Variants in MPP7 observed in about 807,000 individuals in gnomAD.
MPP7 encodes MAGUK p55 subfamily member 7.
In MPP7, 60 loss-of-function variants were observed where a neutral mutation model predicts 76.5. That is an observed-to-expected ratio of 0.78 (90% CI 0.64 to 0.97). The LOEUF (loss-of-function observed/expected upper bound fraction) is 0.97, where lower values mean the gene tolerates loss of function less well. MPP7 is among the 50% of genes least tolerant of loss of function. The pLI is 0.00. For missense variants in MPP7, 641 were observed against 694.0 expected (o/e 0.92, Z 0.86); for synonymous variants, 237 against 244.5 (o/e 0.97, Z 0.29).
intron 2 of MPP7, among the ~76,000 whole-genome samples, chr10:28,206,517 G>A (rs1270747209): frequency 6.6e-6 from 1 of 151,978 alleles, no homozygotes; most frequent in African/African-American, 2.4e-5. Context: ...TTGCAGTTTA[G>A]TTAGGAACAC....
intron 11 of MPP7, among the ~76,000 whole-genome samples, chr10:28,091,568 G>A (rs943590153): frequency 6.6e-6 from 1 of 152,088 alleles, no homozygotes; most frequent in African/African-American, 2.4e-5. Context: ...GATTACAGGC[G>A]TGAGCCACCA....
intron 12 of MPP7, among the ~76,000 whole-genome samples, chr10:28,079,341 A>G (rs943041216): frequency 2.0e-5 from 3 of 152,030 alleles, no homozygotes; most frequent in Non-Finnish European, 4.4e-5. Flanking sequence ...TGATACAGAC[A>G]TATACCACAA....
chr10:28,199,294 T>C (rs1196866844), intron 3 of MPP7, among the ~76,000 whole-genome samples: 2 of 152,172 alleles, frequency 1.3e-5, no homozygotes, highest in Non-Finnish European at 2.9e-5. Context: ...AATATGAGAC[T>C]TCTCAGGCAT....
rs199832782 is a variant in MPP7, at chr10:28,184,977, TTTA to T, written c.156+17173_156+17175del. ...ATAATATATTTATCTTAATATATTA[TTTA>T]TTAATTGATATATTAATATGTAATT... On this transcript the variant is annotated intron_variant, in intron 3 of 16. Transcript: ENST00000683449. Among the ~76,000 whole-genome samples the T allele has an allele frequency of 3.2e-3, 475 of 147,322 alleles. 1 individual carries two copies. Among genetic ancestry groups the T allele is most frequent in the African/African-American group, 0.01 (427 of 40,670 alleles).
chr10:28,265,126 G>T (rs1840106421), intron 1 of MPP7, among the ~76,000 whole-genome samples: 1 of 152,090 alleles, frequency 6.6e-6, no homozygotes, highest in East Asian at 1.9e-4. Flanking sequence ...TCCCATCAGA[G>T]GTATTGCTTT....
chr10:28,160,705 T>C lies in MPP7; in HGVS notation c.157-10646A>G, dbSNP rs1836230605. Among the ~76,000 whole-genome samples, 3 of 152,310 alleles carry C rather than the reference T, an allele frequency of 2.0e-5. No individual in the cohort carries two copies. In the South Asian group the frequency reaches 6.2e-4, roughly 32 times the overall value. On this transcript the variant is annotated intron_variant, in intron 3 of 16. Transcript: ENST00000683449. ...TGGCTGCAGAACTCATGGTGAACTA[T>C]ATGACTTTGGTATAGGAATATTAAT...
intron 12 of MPP7, among the ~76,000 whole-genome samples, chr10:28,078,312 G>T (rs1350831703): frequency 1.3e-5 from 2 of 152,128 alleles, no homozygotes; most frequent in East Asian, 3.9e-4. Flanking sequence ...GTCAAATCTG[G>T]TGATCTCAAA....
At chr10:28,088,250 G>T (rs988417417) in intron 12 of MPP7, among the ~76,000 whole-genome samples, 7 of 152,166 alleles carry the variant, frequency 4.6e-5, no homozygotes, top group African/African-American at 1.4e-4. Flanking sequence ...GTTTATAAAA[G>T]AACAATTAAC....
At chr10:28,086,687 TG>T (rs1357157105) in intron 12 of MPP7, among the ~76,000 whole-genome samples, 1 of 152,198 alleles carries the variant, frequency 6.6e-6, no homozygotes, top group Non-Finnish European at 1.5e-5. Flanking sequence ...CCAGTAGGGC[TG>T]GGGTTCCATT....
At chr10:28,070,746 G>A (rs544253378) in intron 12 of MPP7, among the ~76,000 whole-genome samples, 55 of 152,148 alleles carry the variant, frequency 3.6e-4, no homozygotes, top group African/African-American at 1.2e-3. Context: ...TAGATTCTGC[G>A]GACAACAAAA....
intron 11 of MPP7, among the ~76,000 whole-genome samples, chr10:28,110,552 A>T (rs906176061): frequency 6.6e-6 from 1 of 152,234 alleles, no homozygotes; most frequent in African/African-American, 2.4e-5. Context: ...ATTGATAAGA[A>T]GAGATTTCAT....
At chr10:28,254,075 T>C (rs1839709936) in intron 1 of MPP7, among the ~76,000 whole-genome samples, 1 of 147,610 alleles carries the variant, frequency 6.8e-6, no homozygotes, top group Non-Finnish European at 1.5e-5. Flanking sequence ...TTACATTCAA[T>C]TGCACTATAA....
At chr10:28,231,438 G>A (rs1838878543) in intron 2 of MPP7, among the ~76,000 whole-genome samples, 1 of 149,494 alleles carries the variant, frequency 6.7e-6, no homozygotes. Context: ...GTACAATAGA[G>A]AAAATAAAGC....
intron 13 of MPP7, among the ~76,000 whole-genome samples, chr10:28,059,994 T>C (rs1398448671): frequency 6.6e-6 from 1 of 152,192 alleles, no homozygotes; most frequent in East Asian, 1.9e-4. Context: ...ATTTGCTATT[T>C]TGAAGGCTCT....
At chr10:28,124,640 T>TA (rs1420474342) in intron 7 of MPP7, among the ~76,000 whole-genome samples, 5 of 134,442 alleles carry the variant, frequency 3.7e-5, no homozygotes, top group East Asian at 3.3e-4. Flanking sequence ...CACACTTGAC[T>TA]AATTTTTTTT....
chr10:28,201,215 C>A (rs545656822), intron 3 of MPP7, among the ~76,000 whole-genome samples: 22 of 152,242 alleles, frequency 1.4e-4, no homozygotes, highest in African/African-American at 5.1e-4. Flanking sequence ...TGCAAGTACA[C>A]AAATTTCAGT....
intron 4 of MPP7, among the ~76,000 whole-genome samples, 186 bp from the exon 5 acceptor site, chr10:28,147,749 G>T (rs567573929): frequency 6.6e-6 from 1 of 152,148 alleles, no homozygotes; most frequent in Non-Finnish European, 1.5e-5. Flanking sequence ...GTCCAGATCC[G>T]AGCCCAGGCT....
At chr10:28,102,652 A>T (rs1391206234) in intron 11 of MPP7, among the ~76,000 whole-genome samples, 1 of 152,188 alleles carries the variant, frequency 6.6e-6, no homozygotes, top group Non-Finnish European at 1.5e-5. Flanking sequence ...CTCAGTAAAT[A>T]GTAACTCCAT....
rs1564741321 is a variant in MPP7 at position 28,262,216 on chromosome 10, TATATATATAC to T, written c.-131-23491_-131-23482del. On this transcript the variant is annotated intron_variant, in intron 1 of 16. Coordinates refer to ENST00000683449, the MANE Select transcript of MPP7 (RefSeq NM_001318170.2). Reference sequence around the variant, plus strand: ...ATATATATATATATATACATATATATATATATATACATATATATATATATATACATATATA... The same window carrying T: ...ATATATATATATATATACATATATATATATATATATATATATACATATATA... Among the ~76,000 whole-genome samples, 171 of 61,294 alleles carry T rather than the reference TATATATATAC, an allele frequency of 2.8e-3. 9 individuals carry two copies. Among genetic ancestry groups the T allele is most frequent in the African/African-American group, 0.012 (157 of 12,858 alleles). 40.2% of individuals were successfully genotyped at this position (61,294 alleles called of 152,430 possible).
Sources: gnomAD v4.1 joint callset for allele counts (sites outside exome capture counted in the v4.1 genomes callset) on GRCh38, gnomAD v4.1.1 for gene constraint, MANE v1.5 for transcripts, NCBI Gene and HGNC (gene_info 2026-07-23, HGNC 2026-07-21) for gene names.